The following MAP3K13 variants were observed in gnomAD, a reference collection of about 807,000 sequenced individuals.
The protein encoded by MAP3K13 is mitogen-activated protein kinase kinase kinase 13.
A neutral mutation model predicts 104.0 loss-of-function variants in MAP3K13; 52 were observed. The ratio of observed to expected loss-of-function variants is 0.50; its 90% CI spans 0.40 to 0.63. The LOEUF (loss-of-function observed/expected upper bound fraction) is 0.63. MAP3K13 is among the 20% of genes least tolerant of loss of function. The pLI is 0.00. For missense variants in MAP3K13, 914 were observed against 1,218.5 expected (o/e 0.75, Z 3.72); for synonymous variants, 394 against 442.2 (o/e 0.89, Z 1.37).
intron 1 of MAP3K13, among the ~76,000 whole-genome samples, chr3:185,402,193 G>A (rs1024879632): frequency 6.6e-6 from 1 of 152,144 alleles, no homozygotes; most frequent in African/African-American, 2.4e-5. Flanking sequence ...TGTATTTGCT[G>A]GGAAGCTATT....
intron 2 of MAP3K13, among the ~76,000 whole-genome samples, chr3:185,306,688 G>C (rs944348612): frequency 2.6e-5 from 4 of 152,022 alleles, no homozygotes; most frequent in Non-Finnish European, 5.9e-5. Context: ...TAGACCTTTT[G>C]GTGGTTGAAT....
intron 2 of MAP3K13, among the ~76,000 whole-genome samples, chr3:185,435,571 A>G (rs548965233): frequency 6.6e-6 from 1 of 152,274 alleles, no homozygotes; most frequent in East Asian, 1.9e-4. Flanking sequence ...AGCTATTTGT[A>G]TTTGAGAGAG....
chr3:185,410,443 A>G (rs1713372091), intron 1 of MAP3K13, among the ~76,000 whole-genome samples: 1 of 152,176 alleles, frequency 6.6e-6, no homozygotes, highest in Non-Finnish European at 1.5e-5. Context: ...GCACTGTAGG[A>G]TGACTATCGT....
At chr3:185,351,416 A>G (rs1290965171) in intron 2 of MAP3K13, among the ~76,000 whole-genome samples, 1 of 152,194 alleles carries the variant, frequency 6.6e-6, no homozygotes, top group Admixed American at 6.5e-5. Flanking sequence ...ACAGTTTTCT[A>G]TGTCCCAGGA....
chr3:185,357,201 T>G (rs1200927337), intron 2 of MAP3K13, among the ~76,000 whole-genome samples: 1 of 151,342 alleles, frequency 6.6e-6, no homozygotes, highest in Non-Finnish European at 1.5e-5. Flanking sequence ...TCCCAGCACT[T>G]TGGGAGGCCG....
intron 1 of MAP3K13, among the ~76,000 whole-genome samples, chr3:185,369,861 A>G (rs1724069874): frequency 6.6e-6 from 1 of 152,146 alleles, no homozygotes; most frequent in Non-Finnish European, 1.5e-5. Context: ...TAAAATCAAC[A>G]TGTTTTCTCT....
At chr3:185,284,113 C>CTAA (rs956091182) in intron 1 of MAP3K13, among the ~76,000 whole-genome samples, 8 of 151,646 alleles carry the variant, frequency 5.3e-5, no homozygotes, top group African/African-American at 1.9e-4. Flanking sequence ...GCTGGGATTA[C>CTAA]GGGCGTGAAC....
chr3:185,398,985 A>G (rs553848915), intron 1 of MAP3K13, among the ~76,000 whole-genome samples: 27 of 152,332 alleles, frequency 1.8e-4, no homozygotes, highest in Middle Eastern at 3.4e-3. Flanking sequence ...GTGAAACAAT[A>G]AAGCTATATG....
rs144915835 is a variant in MAP3K13 at position 185,418,523 on chromosome 3, G to T, written c.-85-9974G>T. On this transcript the variant is annotated intron_variant, in intron 1 of 13. Coordinates refer to ENST00000265026, the MANE Select transcript of MAP3K13 (RefSeq NM_004721.5). This position sits in a 1 kb window ranked among gnomAD's most constrained non-coding sequence, Gnocchi z 4.5. Reference sequence around the variant, plus strand: ...TTTCCAAAAGCACCCTGGCCAGAGCGGTGAGTCCCACCACCTCGAACTCTG... The same window carrying T: ...TTTCCAAAAGCACCCTGGCCAGAGCTGTGAGTCCCACCACCTCGAACTCTG... The T allele has an allele frequency of 4.3e-6, 7 of 1,612,070 alleles. No individual in the cohort carries two copies. The highest frequency in any genetic ancestry group is 1.3e-5 in the African/African-American group (1 of 74,958).
intron 7 of MAP3K13, among the ~76,000 whole-genome samples, chr3:185,452,787 C>A (rs1265988420): frequency 6.6e-6 from 1 of 152,176 alleles, no homozygotes; most frequent in Non-Finnish European, 1.5e-5. Context: ...CTCCAGCAGG[C>A]CACCTTGGGC....
At chr3:185,338,155 C>T (rs576160638) in intron 2 of MAP3K13, among the ~76,000 whole-genome samples, 1 of 151,806 alleles carries the variant, frequency 6.6e-6, no homozygotes, top group South Asian at 2.1e-4. Context: ...ATGGTGAAAC[C>T]CCGTCTCTAC....
chr3:185,367,371 G>A (rs966078164), intron 1 of MAP3K13, among the ~76,000 whole-genome samples: 1 of 152,096 alleles, frequency 6.6e-6, no homozygotes, highest in African/African-American at 2.4e-5. Flanking sequence ...GACATGCAGG[G>A]TCTTAGAACA....
chr3:185,397,835 G>A (rs1019370383), intron 1 of MAP3K13, among the ~76,000 whole-genome samples: 4 of 152,258 alleles, frequency 2.6e-5, no homozygotes, highest in South Asian at 4.1e-4. Flanking sequence ...CCTGTCAGGC[G>A]TTGGTTCCCG....
chr3:185,307,704 C>T (rs1010894506), intron 2 of MAP3K13, among the ~76,000 whole-genome samples: 3 of 151,838 alleles, frequency 2.0e-5, no homozygotes, highest in Non-Finnish European at 2.9e-5. Context: ...CCACCACACC[C>T]AGCTAATTTT....
chr3:185,427,549 C>T (rs1714498749), intron 1 of MAP3K13, among the ~76,000 whole-genome samples: 1 of 152,068 alleles, frequency 6.6e-6, no homozygotes, highest in Non-Finnish European at 1.5e-5. Flanking sequence ...AGATTTGGTG[C>T]AGTATAATAA....
At chr3:185,440,171 C>G (rs1715247781) in intron 3 of MAP3K13, among the ~76,000 whole-genome samples, 1 of 152,158 alleles carries the variant, frequency 6.6e-6, no homozygotes, top group African/African-American at 2.4e-5. Context: ...CTCAACCTGA[C>G]TGTTCCTAAT....
At chr3:185,286,154 T>C (rs1720503118) in intron 2 of MAP3K13, among the ~76,000 whole-genome samples, 1 of 152,092 alleles carries the variant, frequency 6.6e-6, no homozygotes, top group Non-Finnish European at 1.5e-5. Context: ...TCTTCTTCTT[T>C]TAAAAAAAAT....
At chr3:185,356,593 T>A (rs536688983) in intron 2 of MAP3K13, among the ~76,000 whole-genome samples, 4 of 152,204 alleles carry the variant, frequency 2.6e-5, no homozygotes, top group Non-Finnish European at 5.9e-5. Flanking sequence ...TTACAGCTAG[T>A]ATCCTGATGA....
At chr3:185,311,647 G>A (rs948398752) in intron 2 of MAP3K13, among the ~76,000 whole-genome samples, 1 of 152,128 alleles carries the variant, frequency 6.6e-6, no homozygotes, top group African/African-American at 2.4e-5. Flanking sequence ...CCCCAAATTG[G>A]TATGTAGACC....
Sources: allele counts gnomAD v4.1 joint callset (sites outside exome capture counted in the v4.1 genomes callset), GRCh38; gene constraint gnomAD v4.1.1; non-coding constraint Gnocchi (gnomAD v3.1); transcripts MANE v1.5; gene names NCBI Gene and HGNC (gene_info 2026-07-23, HGNC 2026-07-21).